The following GPC5 variants were observed in gnomAD, a reference collection of about 807,000 sequenced individuals.
GPC5 encodes glypican 5.
GPC5 carries 47 observed loss-of-function variants against 53.9 expected under a neutral mutation model. That is an observed-to-expected ratio of 0.87 (90% CI 0.69 to 1.11). The LOEUF is 1.11. Ranked by LOEUF, GPC5 falls within the 50% of genes most tolerant of loss-of-function variation. The pLI is 0.00. For synonymous variants in GPC5, 286 were observed against 263.3 expected (o/e 1.09, Z -0.84); for missense variants, 748 against 713.1 (o/e 1.05, Z -0.56).
intron 7 of GPC5, among the ~76,000 whole-genome samples, chr13:92,846,575 A>T (rs1387701664): frequency 1.3e-5 from 2 of 152,232 alleles, no homozygotes; most frequent in African/African-American, 4.8e-5. Flanking sequence ...GAATAGCAAC[A>T]TCCCAGATCT....
At chr13:92,176,855 T>C (rs1397946405) in intron 7 of GPC5, among the ~76,000 whole-genome samples, 2 of 152,180 alleles carry the variant, frequency 1.3e-5, no homozygotes, top group Non-Finnish European at 2.9e-5. Flanking sequence ...TTACATACTG[T>C]ATCTACAGCT....
intron 7 of GPC5, among the ~76,000 whole-genome samples, chr13:92,643,321 A>T (rs555004962): frequency 2.0e-5 from 3 of 152,280 alleles, no homozygotes; most frequent in Non-Finnish European, 4.4e-5. Flanking sequence ...CTGAATGGTA[A>T]TGCCTCAGGG....
At chr13:91,956,332 C>T (rs1369625781) in intron 6 of GPC5, among the ~76,000 whole-genome samples, 1 of 152,128 alleles carries the variant, frequency 6.6e-6, no homozygotes, top group Non-Finnish European at 1.5e-5. Context: ...TACTTATGGG[C>T]CTGGGGACTG....
chr13:92,550,219 T>C (rs1882266248), intron 7 of GPC5, among the ~76,000 whole-genome samples: 1 of 151,884 alleles, frequency 6.6e-6, no homozygotes, highest in African/African-American at 2.4e-5. Context: ...AAAATGAACA[T>C]ATAAGAATCT....
rs147382581 is a variant in GPC5 at position 91,492,157 on chromosome 13, G to A, written c.325+43235G>A. 2.4e-3 allele frequency among the ~76,000 whole-genome samples: 364 copies of A among 152,204 alleles called. 1 individual carries two copies. The highest frequency in any genetic ancestry group is 7.9e-3 in the African/African-American group (326 of 41,524). On this transcript the variant is annotated intron_variant, in intron 2 of 7. Coordinates refer to ENST00000377067, the MANE Select transcript of GPC5 (RefSeq NM_004466.6). ...TATCCTTTTTTGTTACTTGAAAATTGAAATTCCTGGCTCACTGCCAATTCC... is the reference window on the plus strand; with the variant it reads ...TATCCTTTTTTGTTACTTGAAAATTAAAATTCCTGGCTCACTGCCAATTCC...
At chr13:91,710,355 A>G (rs926383514) in intron 3 of GPC5, among the ~76,000 whole-genome samples, 1 of 152,338 alleles carries the variant, frequency 6.6e-6, no homozygotes, top group East Asian at 1.9e-4. Context: ...ATAATCTATG[A>G]TTCTTCTAAT....
intron 5 of GPC5, among the ~76,000 whole-genome samples, chr13:91,841,189 G>C (rs2038783744): frequency 6.6e-6 from 1 of 151,762 alleles, no homozygotes; most frequent in Admixed American, 6.6e-5. Flanking sequence ...TTAGCTGACA[G>C]GGTCATCACT....
At chr13:91,742,823 T>C (rs2140075363) in intron 4 of GPC5, among the ~76,000 whole-genome samples, 1 of 152,266 alleles carries the variant, frequency 6.6e-6, no homozygotes. Context: ...TAAGTTGCAT[T>C]ATGATATTTG....
In GPC5 at chr13:92,395,985, A is replaced by G. The variant is rs576761166; in HGVS notation, c.1561+250996A>G. Among the ~76,000 whole-genome samples, 15 of 132,806 alleles carry G rather than the reference A, an allele frequency of 1.1e-4. No homozygotes were observed. In the South Asian group the frequency reaches 3.3e-3, roughly 29 times the overall value. The allele number at this position is 132,806 out of a possible 152,430, so 87.1% of individuals were successfully genotyped here. A position where few individuals can be genotyped will look rare whatever the true frequency, so the allele number is the denominator to read the frequency against. On this transcript the variant is annotated intron_variant, in intron 7 of 7. Coordinates refer to ENST00000377067, the MANE Select transcript of GPC5 (RefSeq NM_004466.6). ...GTTGGGTGTTCTCTGAGCTTTCTGT[A>G]TCTGTGGACTGATATCTAGAATTAA...
At chr13:91,848,185 A>G (rs2038873814) in intron 5 of GPC5, among the ~76,000 whole-genome samples, 1 of 152,186 alleles carries the variant, frequency 6.6e-6, no homozygotes, top group Admixed American at 6.5e-5. Context: ...TTGAATGTCA[A>G]TTTTGTCCCT....
chr13:92,375,140 G>A (rs889676633), intron 7 of GPC5, among the ~76,000 whole-genome samples: 5 of 152,152 alleles, frequency 3.3e-5, no homozygotes, highest in Non-Finnish European at 1.5e-5. Context: ...TTCCCTAGGG[G>A]GTGGATTATA....
At chr13:92,355,783 C>T (rs999481211) in intron 7 of GPC5, among the ~76,000 whole-genome samples, 1 of 152,012 alleles carries the variant, frequency 6.6e-6, no homozygotes, top group Non-Finnish European at 1.5e-5. Flanking sequence ...CAATTTCAAG[C>T]ACCCGCTCAC....
chr13:91,943,476 G>A (rs1021781244), intron 6 of GPC5, among the ~76,000 whole-genome samples: 2 of 151,938 alleles, frequency 1.3e-5, no homozygotes, highest in African/African-American at 4.8e-5. Context: ...TATGTGCTTT[G>A]TATAAGATGG....
At chr13:91,823,738 T>G (rs2038532117) in intron 5 of GPC5, among the ~76,000 whole-genome samples, 1 of 152,152 alleles carries the variant, frequency 6.6e-6, no homozygotes, top group South Asian at 2.1e-4. Flanking sequence ...TGAGTGCTTT[T>G]GAGTAAGATC....
At chr13:92,520,033 A>G (rs980275474) in intron 7 of GPC5, among the ~76,000 whole-genome samples, 4 of 152,332 alleles carry the variant, frequency 2.6e-5, no homozygotes, top group Non-Finnish European at 5.9e-5. Flanking sequence ...ATGTAGAAGA[A>G]ACAGATAAAT....
chr13:92,772,714 C>T (rs1566412001), intron 7 of GPC5, among the ~76,000 whole-genome samples: 1 of 152,156 alleles, frequency 6.6e-6, no homozygotes, highest in Admixed American at 6.5e-5. Flanking sequence ...TTGTTCTCTG[C>T]TGTATTTCCA....
chr13:91,939,107 A>G (rs1013323186), intron 6 of GPC5, among the ~76,000 whole-genome samples: 1 of 152,012 alleles, frequency 6.6e-6, no homozygotes, highest in African/African-American at 2.4e-5. Context: ...GCTGATCAAT[A>G]TATATTTATA....
intron 6 of GPC5, among the ~76,000 whole-genome samples, chr13:91,908,276 A>G (rs1221092473): frequency 1.3e-5 from 2 of 152,104 alleles, no homozygotes; most frequent in Admixed American, 1.3e-4. Context: ...TGTATCTGTG[A>G]AAAGCAAGCC....
At chr13:91,408,240 A>G (rs1877471077) in intron 1 of GPC5, among the ~76,000 whole-genome samples, 2 of 152,126 alleles carry the variant, frequency 1.3e-5, no homozygotes, top group African/African-American at 4.8e-5. Flanking sequence ...AGCTCCTGAT[A>G]ATCACCATTC....
Sources: gnomAD v4.1 joint callset for allele counts (sites outside exome capture counted in the v4.1 genomes callset) on GRCh38, gnomAD v4.1.1 for gene constraint, MANE v1.5 for transcripts, NCBI Gene and HGNC (gene_info 2026-07-23, HGNC 2026-07-21) for gene names.